The following CLCN3 variants were observed in gnomAD, a reference collection of about 807,000 sequenced individuals.
CLCN3 encodes H(+)/Cl(-) exchange transporter 3.
A neutral mutation model predicts 83.4 loss-of-function variants in CLCN3; 16 were observed. The ratio of observed to expected loss-of-function variants is 0.19; its 90% CI spans 0.13 to 0.29. The LOEUF (loss-of-function observed/expected upper bound fraction) is 0.29. Among genes scored for constraint, CLCN3 ranks in the 10% least tolerant of loss-of-function variants. The pLI is 1.00. For missense variants in CLCN3, 544 were observed against 1,006.0 expected (o/e 0.54, Z 6.21); for synonymous variants, 322 against 346.2 (o/e 0.93, Z 0.78).
intron 2 of CLCN3, among the ~76,000 whole-genome samples, chr4:169,648,267 T>C (rs1334534803): frequency 6.6e-6 from 1 of 152,224 alleles, no homozygotes; most frequent in Non-Finnish European, 1.5e-5. Context: ...ATCATGGAAA[T>C]GTAACGTGTT....
rs551769826 is a variant in CLCN3, at chr4:169,692,035, A to G, written c.730-79A>G. ...ATTTGCAAGGTTGTTTTTGTGCATA[A>G]AACAAGAAAATAACTTGGATTCGTT... On this transcript the variant is annotated intron_variant, in intron 6 of 12. Coordinates refer to ENST00000513761, the MANE Select transcript of CLCN3 (RefSeq NM_001829.4). 38 of 1,002,428 alleles carry G rather than the reference A, an allele frequency of 3.8e-5. No individual in the cohort carries two copies. The African/African-American group carries it at 6.0e-4, about 16-fold the overall frequency. 62.1% of individuals were successfully genotyped at this position (1,002,428 alleles called of 1,614,324 possible). A position where few individuals can be genotyped will look rare whatever the true frequency, so the allele number is the denominator to read the frequency against.
intron 3 of CLCN3, 25 bp from the exon 4 acceptor site, chr4:169,687,633 G>T: frequency 6.7e-7 from 1 of 1,492,760 alleles, no homozygotes; most frequent in South Asian, 1.2e-5. Flanking sequence ...TTGGAAAAAT[G>T]AAGCATAAAC....
intron 8 of CLCN3, 101 bp downstream of exon 8, chr4:169,695,793 T>C: frequency 2.9e-6 from 2 of 693,516 alleles, no homozygotes; most frequent in Non-Finnish European, 4.6e-6. Context: ...GTAGAGACTT[T>C]GTTTTCAAAT....
rs761819807 is a variant in CLCN3, at chr4:169,713,106, T to A, written c.2177T>A (p.Ile726Asn). 6.2e-7 allele frequency: 1 copy of A among 1,614,166 alleles called. No homozygotes were observed. The highest frequency in any genetic ancestry group is 1.1e-5 in the South Asian group (1 of 91,084). Reference sequence around the variant, plus strand: ...AGTGCCAGGAAAAAACAAGAAGGTATCGTTGGCAGTTCTCGGGTGTGTTTT... The same window carrying A: ...AGTGCCAGGAAAAAACAAGAAGGTAACGTTGGCAGTTCTCGGGTGTGTTTT... ...IESARKKQEG[I>N]VGSSRVCFAQ... The change falls in exon 12 of 13, where the codon ATC becomes AAC. Residue 726 changes from isoleucine (I) to asparagine (N), a missense_variant. Physicochemically the swap from Ile to Asn is moderately radical, Grantham distance 149. Transcript: ENST00000513761.
At chr4:169,629,179 GTATCT>G (rs1773305645) in intron 1 of CLCN3, among the ~76,000 whole-genome samples, 1 of 47,198 alleles carries the variant, frequency 2.1e-5, no homozygotes, top group Non-Finnish European at 6.3e-5. Flanking sequence ...GGAATATTCT[GTATCT>G]TGACTGTATC....
chr4:169,679,085 C>T lies in CLCN3; in HGVS notation c.161-965C>T, dbSNP rs190706416. Among the ~76,000 whole-genome samples, 1,340 of 151,882 alleles carry T rather than the reference C, an allele frequency of 8.8e-3. 23 individuals are homozygous for T. Among genetic ancestry groups the T allele is most frequent in the African/African-American group, 0.03 (1,259 of 41,376 alleles). On this transcript the variant is annotated intron_variant, in intron 2 of 12. Transcript: ENST00000513761. ...GGTGGCCGGGCGGAGACGCTCCTCA[C>T]TTCCCAGATGGGGCGGCTGCCGGGC...
intron 9 of CLCN3, among the ~76,000 whole-genome samples, chr4:169,701,229 C>G (rs949674564): frequency 6.6e-6 from 1 of 152,196 alleles, no homozygotes; most frequent in Non-Finnish European, 1.5e-5. Context: ...CAAGAAACCA[C>G]TTTCTTTGCT....
intron 2 of CLCN3, among the ~76,000 whole-genome samples, chr4:169,667,963 ACTC>A: frequency 7.0e-6 from 1 of 141,944 alleles, no homozygotes; most frequent in Non-Finnish European, 1.5e-5. Flanking sequence ...CTGCTCTTGA[ACTC>A]CTGACCTCGT....
chr4:169,659,677 T>C (rs1323509533), intron 2 of CLCN3, among the ~76,000 whole-genome samples: 2 of 152,184 alleles, frequency 1.3e-5, no homozygotes, highest in Non-Finnish European at 2.9e-5. Flanking sequence ...TCTTCAGTTA[T>C]TCGGTTTTTA....
chr4:169,689,230 G>A lies in CLCN3; in HGVS notation c.606G>A (p.Glu202=), dbSNP rs369508350. ...TWAELIIGQA[E]GPGSYIMNYI... ...CAGAATTAATCATAGGTCAAGCAGA[G>A]GTAAGTCTTGCTTTGTCTCAAGATG... is the stretch of plus-strand genomic sequence containing the variant. The change falls in exon 5 of 13, where the codon GAG becomes GAA. Residue 202 remains glutamate (E), a splice_region_variant and synonymous_variant. Coordinates refer to ENST00000513761, the MANE Select transcript of CLCN3 (RefSeq NM_001829.4). The A allele has an allele frequency of 4.8e-5, 77 of 1,606,114 alleles. No individual in the cohort carries two copies. The African/African-American group carries it at 6.0e-4, about 13-fold the overall frequency.
At chr4:169,710,985 T>C (rs1464348983) in intron 11 of CLCN3, among the ~76,000 whole-genome samples, 1 of 152,210 alleles carries the variant, frequency 6.6e-6, no homozygotes, top group Non-Finnish European at 1.5e-5. Context: ...TGCCACTGTA[T>C]CTGGCCTGCT....
intron 1 of CLCN3, among the ~76,000 whole-genome samples, chr4:169,622,711 A>T (rs1773138601): frequency 1.3e-5 from 2 of 152,198 alleles, no homozygotes; most frequent in Non-Finnish European, 2.9e-5. Flanking sequence ...AGAAAATTTA[A>T]CTAACTTGCC....
intron 2 of CLCN3, among the ~76,000 whole-genome samples, chr4:169,655,905 T>G (rs929639272): frequency 6.6e-6 from 1 of 152,224 alleles, no homozygotes; most frequent in African/African-American, 2.4e-5. Context: ...AAACTTCTTA[T>G]GTTTATGAGG....
intron 2 of CLCN3, among the ~76,000 whole-genome samples, chr4:169,649,130 G>A (rs1312970896): frequency 2.0e-5 from 3 of 152,168 alleles, no homozygotes; most frequent in Admixed American, 6.5e-5. Context: ...AGTCAGGCAT[G>A]TGAAAGAAGG....
At chr4:169,663,314 T>TTTGTTGTTGTTG (rs71590022) in intron 2 of CLCN3, among the ~76,000 whole-genome samples, 12 of 131,152 alleles carry the variant, frequency 9.1e-5, no homozygotes, top group African/African-American at 4.4e-4. Context: ...AGTGGGTTTT[T>TTTGTTGTTGTTG]TTGTTGTTGT....
intron 2 of CLCN3, among the ~76,000 whole-genome samples, chr4:169,663,958 G>C (rs1005882499): frequency 6.6e-6 from 1 of 152,182 alleles, no homozygotes; most frequent in Admixed American, 6.5e-5. Flanking sequence ...TTCCCCCAAA[G>C]TCCCAAGAAC....
chr4:169,676,687 G>A (rs1036252130), intron 2 of CLCN3, among the ~76,000 whole-genome samples: 1 of 139,486 alleles, frequency 7.2e-6, no homozygotes. Flanking sequence ...TAGTAGAGAT[G>A]AGGTTTTGCC....
chr4:169,670,889 C>T lies in CLCN3; in HGVS notation c.161-9161C>T, dbSNP rs147350334. Among the ~76,000 whole-genome samples, 8 of 152,178 alleles carry T rather than the reference C, an allele frequency of 5.3e-5. No individual in the cohort carries two copies. In the East Asian group the frequency reaches 1.2e-3, roughly 22 times the overall value. On this transcript the variant is annotated intron_variant, in intron 2 of 12. Transcript: ENST00000513761. ...ATTAGAGAAATGAAAATCAAAACCA[C>T]AATGAGATGTCATCTCATGCCAGTC... is the stretch of plus-strand genomic sequence containing the variant.
At chr4:169,638,519 A>C (rs1479701858) in intron 2 of CLCN3, among the ~76,000 whole-genome samples, 1 of 152,146 alleles carries the variant, frequency 6.6e-6, no homozygotes, top group Non-Finnish European at 1.5e-5. Flanking sequence ...ACAAAATTAT[A>C]AACAAGAAAA....
Sources: gnomAD v4.1 joint callset for allele counts (sites outside exome capture counted in the v4.1 genomes callset) on GRCh38, gnomAD v4.1.1 for gene constraint, MANE v1.5 for transcripts, NCBI Gene and HGNC (gene_info 2026-07-23, HGNC 2026-07-21) for gene names.